The following CNTN3 variants were observed in gnomAD, a reference collection of about 807,000 sequenced individuals.
CNTN3 encodes contactin 3.
Under a neutral mutation model 119.1 loss-of-function variants are expected in CNTN3, and 60 were observed. The ratio of observed to expected loss-of-function variants is 0.50; its 90% CI spans 0.41 to 0.62. CNTN3 has a LOEUF of 0.62. Among genes scored for constraint, CNTN3 ranks in the 20% least tolerant of loss-of-function variants. The probability of loss-of-function intolerance (pLI) is 0.00; values close to 1 mark genes in which losing one functional copy is unlikely to be tolerated. For missense variants in CNTN3, 1,101 were observed against 1,242.4 expected (o/e 0.89, Z 1.71); for synonymous variants, 450 against 438.7 (o/e 1.03, Z -0.32).
chr3:74,608,594 T>C (rs1705030520), intron 1 of CNTN3, among the ~76,000 whole-genome samples: 1 of 152,188 alleles, frequency 6.6e-6, no homozygotes, highest in South Asian at 2.1e-4. Flanking sequence ...TATCAAGATG[T>C]TCATCTGTTG....
intron 4 of CNTN3, among the ~76,000 whole-genome samples, chr3:74,426,710 T>A (rs550476009): frequency 6.6e-6 from 1 of 152,300 alleles, no homozygotes; most frequent in African/African-American, 2.4e-5. Context: ...TAGCGTTGTA[T>A]CACCTTAAAT....
chr3:74,587,418 T>C (rs1437994301), intron 1 of CNTN3, among the ~76,000 whole-genome samples: 5 of 152,112 alleles, frequency 3.3e-5, no homozygotes, highest in Non-Finnish European at 5.9e-5. Flanking sequence ...ACTTATCATG[T>C]TCCCTTTTTA....
rs201500757 is a variant in CNTN3, at chr3:74,479,606, CT to C, written c.358+6849del. Among the ~76,000 whole-genome samples the C allele has an allele frequency of 6.5e-3, 990 of 152,020 alleles. 11 individuals carry two copies. The highest frequency in any genetic ancestry group is 0.021 in the African/African-American group (878 of 41,464). On this transcript the variant is annotated intron_variant, in intron 4 of 22. Transcript: ENST00000263665. ...AGAACAATAAAAAATATGATGCATC[CT>C]TTTTTAGGACATGGAGGACATGACA...
intron 2 of CNTN3, among the ~76,000 whole-genome samples, chr3:74,509,356 C>A (rs550769205): frequency 6.7e-6 from 1 of 149,380 alleles, no homozygotes; most frequent in African/African-American, 2.5e-5. Flanking sequence ...CTCTGTTGCC[C>A]AGGCTGGAGT....
chr3:74,463,470 G>T (rs1702407952), intron 4 of CNTN3, among the ~76,000 whole-genome samples: 1 of 152,032 alleles, frequency 6.6e-6, no homozygotes, highest in African/African-American at 2.4e-5. Flanking sequence ...TAGAATCCAT[G>T]GTTCTTTCTC....
intron 4 of CNTN3, among the ~76,000 whole-genome samples, chr3:74,474,656 A>G (rs1253399340): frequency 6.6e-6 from 1 of 151,994 alleles, no homozygotes; most frequent in Non-Finnish European, 1.5e-5. Flanking sequence ...ACCGTGCCCA[A>G]CTGAGAGTCC....
intron 4 of CNTN3, among the ~76,000 whole-genome samples, chr3:74,425,622 T>C (rs1345990482): frequency 6.6e-6 from 1 of 152,136 alleles, no homozygotes; most frequent in East Asian, 1.9e-4. Context: ...AAAATAAACA[T>C]AAATATGACT....
intron 13 of CNTN3, among the ~76,000 whole-genome samples, chr3:74,311,321 A>G (rs899209386): frequency 6.6e-6 from 1 of 152,204 alleles, no homozygotes; most frequent in Admixed American, 6.5e-5. Context: ...AAAGAAGGAA[A>G]GACTAGGTTT....
At chr3:74,326,542 T>C (rs1428040275) in intron 13 of CNTN3, among the ~76,000 whole-genome samples, 1 of 152,108 alleles carries the variant, frequency 6.6e-6, no homozygotes, top group African/African-American at 2.4e-5. Context: ...TACAGTGCTA[T>C]AGACAACTAG....
intron 1 of CNTN3, among the ~76,000 whole-genome samples, chr3:74,539,657 C>T (rs901401419): frequency 2.0e-5 from 3 of 152,104 alleles, no homozygotes; most frequent in South Asian, 2.1e-4. Context: ...GATTCCGGTG[C>T]TGCTTTTCTG....
At chr3:74,325,512 T>A (rs1420550727) in intron 13 of CNTN3, among the ~76,000 whole-genome samples, 3 of 152,032 alleles carry the variant, frequency 2.0e-5, no homozygotes, top group Admixed American at 1.3e-4. Flanking sequence ...GCAAAAATTT[T>A]AAAAAAATGA....
chr3:74,500,904 G>A (rs1703155729), intron 2 of CNTN3, among the ~76,000 whole-genome samples: 1 of 152,052 alleles, frequency 6.6e-6, no homozygotes, highest in Admixed American at 6.6e-5. Flanking sequence ...CCCAACAGAA[G>A]ACAAATGCTG....
At chr3:74,416,753 C>G (rs986519788) in intron 5 of CNTN3, among the ~76,000 whole-genome samples, 14 of 152,042 alleles carry the variant, frequency 9.2e-5, no homozygotes, top group Non-Finnish European at 1.9e-4. Context: ...TTTAGGAGGC[C>G]GAAGCGGTTG....
chr3:74,271,510 G>A (rs1701775002), intron 20 of CNTN3, among the ~76,000 whole-genome samples: 1 of 152,134 alleles, frequency 6.6e-6, no homozygotes, highest in Non-Finnish European at 1.5e-5. Context: ...TTTCAATGGT[G>A]ATGTCTCATA....
chr3:74,480,045 T>C lies in CNTN3; in HGVS notation c.358+6411A>G, dbSNP rs181502867. On this transcript the variant is annotated intron_variant, in intron 4 of 22. Coordinates refer to ENST00000263665, the MANE Select transcript of CNTN3 (RefSeq NM_020872.3). ...GCAAAACTCATCTCTGGATATCCTT[T>C]ACAAAGTCATAGTGATGTAAACACT... Among the ~76,000 whole-genome samples, 16 of 152,244 alleles carry C rather than the reference T, an allele frequency of 1.1e-4. No individual in the cohort carries two copies. In the East Asian group the frequency reaches 2.9e-3, roughly 28 times the overall value.
intron 4 of CNTN3, among the ~76,000 whole-genome samples, chr3:74,473,856 A>T (rs899352960): frequency 6.6e-6 from 1 of 152,172 alleles, no homozygotes; most frequent in African/African-American, 2.4e-5. Flanking sequence ...TAAGTGTGAG[A>T]GAAGTGCAGG....
intron 1 of CNTN3, among the ~76,000 whole-genome samples, chr3:74,532,961 C>A (rs1703714238): frequency 6.6e-6 from 1 of 151,922 alleles, no homozygotes; most frequent in Non-Finnish European, 1.5e-5. Flanking sequence ...TAAGCAAAGT[C>A]AAAAGTATGC....
chr3:74,468,813 A>T (rs1702509700), intron 4 of CNTN3, among the ~76,000 whole-genome samples: 1 of 152,196 alleles, frequency 6.6e-6, no homozygotes, highest in Non-Finnish European at 1.5e-5. Flanking sequence ...TACGTGACAG[A>T]TGAGTCTCCT....
chr3:74,308,427 T>C (rs560892075), intron 13 of CNTN3, among the ~76,000 whole-genome samples: 1 of 152,210 alleles, frequency 6.6e-6, no homozygotes, highest in Non-Finnish European at 1.5e-5. Context: ...ACTGGAATAA[T>C]TGCTCCATTA....
Sources: gnomAD v4.1 joint callset for allele counts (sites outside exome capture counted in the v4.1 genomes callset) on GRCh38, gnomAD v4.1.1 for gene constraint, MANE v1.5 for transcripts, NCBI Gene and HGNC (gene_info 2026-07-23, HGNC 2026-07-21) for gene names.